The following CENPN variants were observed in gnomAD, a reference collection of about 807,000 sequenced individuals.
CENPN encodes centromere protein N.
A neutral mutation model predicts 48.6 loss-of-function variants in CENPN; 36 were observed. The ratio of observed to expected loss-of-function variants is 0.74; its 90% CI spans 0.57 to 0.98. CENPN has a LOEUF of 0.98. Ranked by LOEUF, CENPN falls within the 50% of genes least tolerant of loss-of-function variation. The probability of loss-of-function intolerance (pLI) is 0.00; values close to 1 mark genes in which losing one functional copy is unlikely to be tolerated. For missense variants in CENPN, 439 were observed against 399.2 expected, an observed-to-expected ratio of 1.10 and a Z score of -0.85; for synonymous variants, 166 against 135.2, an observed-to-expected ratio of 1.23 and a Z score of -1.58.
rs115148833 is a variant in CENPN, at chr16:81,025,478, G to C, written c.697+700G>C. On this transcript the variant is annotated intron_variant, in intron 8 of 10. Transcript: ENST00000305850. ...AACTAAACACTTTTATGATTTTCCA[G>C]TGTCATAGGAACTGCTGTTGATCTC... 1.6e-3 allele frequency among the ~76,000 whole-genome samples: 238 copies of C among 152,266 alleles called. 1 individual carries two copies. Among genetic ancestry groups the C allele is most frequent in the African/African-American group, 5.5e-3 (227 of 41,544 alleles).
At chr16:81,032,069 G>GTCA (rs1370199315), downstream of CENPN, among the ~76,000 whole-genome samples, 3 of 152,172 alleles carry the variant, frequency 2.0e-5, no homozygotes, top group Non-Finnish European at 1.5e-5. Context: ...ACACTTGAGA[G>GTCA]TCAAGGTCCC....
At chr16:81,024,634 A>T in intron 7 of CENPN, 81 bp from the exon 8 acceptor site, 1 of 887,246 alleles carries the variant, frequency 1.1e-6, no homozygotes, top group Non-Finnish European at 1.7e-6. Context: ...CATTTGACAT[A>T]CTTTAATATA....
intron 8 of CENPN, among the ~76,000 whole-genome samples, chr16:81,026,226 C>G (rs114040028): frequency 6.8e-6 from 1 of 147,624 alleles, no homozygotes; most frequent in African/African-American, 2.5e-5. Context: ...TATATATACA[C>G]ATATATGCAT....
At chr16:81,032,630 A>C, downstream of CENPN, 1 of 1,613,896 alleles carries the variant, frequency 6.2e-7, no homozygotes, top group South Asian at 1.1e-5. Flanking sequence ...CAAGGGACCC[A>C]GGACCCGAGC....
chr16:81,022,936 T>G, intron 7 of CENPN: 1 of 1,504,188 alleles, frequency 6.6e-7, no homozygotes, highest in Non-Finnish European at 9.0e-7. Context: ...GTGTTGTAGA[T>G]CTCAGCTTCC....
At chr16:81,026,159 A>ATATATATGTGTGTC (rs1567555462) in intron 8 of CENPN, among the ~76,000 whole-genome samples, 2 of 110,870 alleles carry the variant, frequency 1.8e-5, no homozygotes, top group African/African-American at 6.3e-5. Flanking sequence ...ATATATGTGT[A>ATATATATGTGTGTC]TATATATGTG....
At chr16:81,017,294 T>C (rs759209838) in intron 3 of CENPN, 32 bp from the exon 4 acceptor site, 22 of 1,451,348 alleles carry the variant, frequency 1.5e-5, no homozygotes, top group Non-Finnish European at 2.1e-5. Flanking sequence ...TTCTATGATA[T>C]GCTAGTAATA....
rs570763127 is a variant in CENPN at position 81,021,786 on chromosome 16, A to T, written c.532-811A>T. On this transcript the variant is annotated intron_variant, in intron 6 of 10. Transcript: ENST00000305850. ...TTTTTTTTTTTTGAGACAGGGTCTC[A>T]CTCTGTCACCCAGGGTGGGGTGCAG... Among the ~76,000 whole-genome samples, 235 of 149,364 alleles carry T rather than the reference A, an allele frequency of 1.6e-3. 1 individual carries two copies. Among genetic ancestry groups the T allele is most frequent in the Middle Eastern group, 3.4e-3 (1 of 292 alleles).
downstream of CENPN, chr16:81,032,625 G>A (rs769294507): frequency 6.8e-6 from 11 of 1,613,752 alleles, no homozygotes; most frequent in Non-Finnish European, 9.3e-6. Flanking sequence ...ACAGTCAAGG[G>A]ACCCAGGACC....
chr16:81,015,440 A>G (rs928220016), intron 3 of CENPN, among the ~76,000 whole-genome samples: 1 of 152,258 alleles, frequency 6.6e-6, no homozygotes, highest in Non-Finnish European at 1.5e-5. Context: ...ACATAAGGTT[A>G]TGGTGAGGAT....
intron 1 of CENPN, among the ~76,000 whole-genome samples, chr16:81,010,519 G>T (rs983971144): frequency 1.3e-5 from 2 of 152,152 alleles, no homozygotes; most frequent in Non-Finnish European, 2.9e-5. Context: ...AGTGAGGGAG[G>T]AAAGAGCTCT....
chr16:81,024,837 C>G, intron 8 of CENPN, 59 bp downstream of exon 8: 1 of 1,139,850 alleles, frequency 8.8e-7, no homozygotes, highest in Non-Finnish European at 1.3e-6. Context: ...TTATAGATTT[C>G]TTTCACTTGG....
intron 7 of CENPN, 27 bp from the exon 8 acceptor site, chr16:81,024,688 G>C: frequency 6.6e-7 from 1 of 1,504,538 alleles, no homozygotes; most frequent in Non-Finnish European, 9.1e-7. Flanking sequence ...GTCAAGATTA[G>C]TAAAATATTC....
At chr16:81,033,027 G>A (rs12928556), downstream of CENPN, 13,474 of 174,626 alleles carry the variant, frequency 0.077, 1,099 homozygotes, top group East Asian at 0.27. Context: ...GCATCACTTT[G>A]GTTCAGAGCT....
rs918681851 is a variant in CENPN, at chr16:81,024,777, T to C, written c.696T>C (p.Asn232=). 5.0e-6 allele frequency: 8 copies of C among 1,597,654 alleles called. No homozygotes were observed. The highest frequency in any genetic ancestry group is 1.7e-4 in the Middle Eastern group (1 of 6,024). ...LQERSLGLDI[N]MDSRIIHENI... ...AAAGAAGCCTTGGACTAGATATAAA[T>C]AGTACGTGTGTGTTAATATGAAACT... Residue 232 remains asparagine (N), a splice_region_variant and synonymous_variant, in exon 8 of 11, where the codon AAT becomes AAC. Coordinates refer to ENST00000305850, the MANE Select transcript of CENPN (RefSeq NM_001100624.3).
downstream of CENPN, chr16:81,033,057 C>G (rs1970832413): frequency 6.2e-6 from 1 of 161,434 alleles, no homozygotes; most frequent in Non-Finnish European, 1.3e-5. Context: ...AGTTGGGAAG[C>G]CATTCTAAGA....
rs370831502 is a variant in CENPN, at chr16:81,014,118, A to T, written c.172-18A>T. On this transcript the variant is annotated intron_variant, in intron 2 of 10. Coordinates refer to ENST00000305850, the MANE Select transcript of CENPN (RefSeq NM_001100624.3). ...AACCTATAACCACAGTTACTAAATA[A>T]TTTGTTTTCTCTTTTAGGAAAAGCG... The T allele has an allele frequency of 6.2e-7, 1 of 1,610,032 alleles. No homozygotes were observed. Among genetic ancestry groups the T allele is most frequent in the African/African-American group, 1.3e-5 (1 of 74,978 alleles).
intron 6 of CENPN, among the ~76,000 whole-genome samples, chr16:81,020,736 C>G (rs1388651432): frequency 1.3e-5 from 2 of 152,054 alleles, no homozygotes; most frequent in Non-Finnish European, 2.9e-5. Flanking sequence ...TTCCCTATTC[C>G]GTTCGTTCAA....
intron 2 of CENPN, among the ~76,000 whole-genome samples, chr16:81,013,018 G>C (rs2549880): frequency 0.97 from 147,662 of 152,344 alleles, 71,719 homozygotes; most frequent in Middle Eastern, 1. Context: ...TTATATAAAT[G>C]AAGATGCATT....
Sources: gnomAD v4.1 joint callset for allele counts (sites outside exome capture counted in the v4.1 genomes callset) on GRCh38, gnomAD v4.1.1 for gene constraint, MANE v1.5 for transcripts, NCBI Gene and HGNC (gene_info 2026-07-23, HGNC 2026-07-21) for gene names.